OPCML: variants seen among roughly 807,000 people sequenced by gnomAD.
OPCML encodes opioid-binding protein/cell adhesion molecule.
In OPCML, 13 loss-of-function variants were observed where a neutral mutation model predicts 37.8. That is an observed-to-expected ratio of 0.34 (90% CI 0.22 to 0.55). OPCML has a LOEUF of 0.55. Ranked by LOEUF, OPCML falls within the 20% of genes least tolerant of loss-of-function variation. OPCML has a pLI of 0.91. For missense variants in OPCML, 341 were observed against 435.6 expected, an observed-to-expected ratio of 0.78 and a Z score of 1.93; for synonymous variants, 176 against 168.8, an observed-to-expected ratio of 1.04 and a Z score of -0.33.
At chr11:132,698,360 T>C (rs2917569) in intron 2 of OPCML, among the ~76,000 whole-genome samples, 76,747 of 151,470 alleles carry the variant, frequency 0.51, 19,529 homozygotes, top group Admixed American at 0.57. Context: ...TATGTATGTT[T>C]GTGGTTTTGA....
chr11:132,601,025 T>G (rs1262896959), intron 3 of OPCML, among the ~76,000 whole-genome samples: 1 of 152,042 alleles, frequency 6.6e-6, no homozygotes, highest in Non-Finnish European at 1.5e-5. Flanking sequence ...TGTTTTTCGA[T>G]TGCCAATGTA....
intron 3 of OPCML, among the ~76,000 whole-genome samples, chr11:132,549,735 A>G (rs2096377215): frequency 6.6e-6 from 1 of 152,216 alleles, no homozygotes; most frequent in African/African-American, 2.4e-5. Flanking sequence ...GATGGCGCCA[A>G]TTAACTGGAA....
At chr11:133,063,869 G>A (rs542430561) in intron 1 of OPCML, among the ~76,000 whole-genome samples, 10 of 152,240 alleles carry the variant, frequency 6.6e-5, no homozygotes, top group East Asian at 1.9e-4. Flanking sequence ...GCCCCGGTTG[G>A]TGATTATTAA....
At chr11:133,028,141 T>C (rs1383836780) in intron 1 of OPCML, among the ~76,000 whole-genome samples, 2 of 152,070 alleles carry the variant, frequency 1.3e-5, no homozygotes, top group African/African-American at 4.8e-5. Context: ...TTTCTTTCTT[T>C]TTATTTTCTG....
chr11:133,419,074 C>A (rs1035075359), intron 1 of OPCML: 1 of 214,592 alleles, frequency 4.7e-6, no homozygotes, highest in Admixed American at 6.5e-5. Context: ...TTGAGAAATC[C>A]TAACCTTCAC....
intron 1 of OPCML, among the ~76,000 whole-genome samples, chr11:133,147,623 G>A (rs911251638): frequency 6.6e-6 from 1 of 152,138 alleles, no homozygotes; most frequent in Non-Finnish European, 1.5e-5. Flanking sequence ...GAAGGGATGG[G>A]TGGCTCTGCC....
intron 1 of OPCML, among the ~76,000 whole-genome samples, chr11:133,083,245 G>A (rs1485448463): frequency 2.0e-5 from 3 of 152,298 alleles, no homozygotes; most frequent in East Asian, 1.9e-4. Context: ...CGGCGGGAGC[G>A]GGAGCCGCGG....
At chr11:132,691,908 T>C (rs1008864047) in intron 2 of OPCML, among the ~76,000 whole-genome samples, 1 of 152,202 alleles carries the variant, frequency 6.6e-6, no homozygotes, top group African/African-American at 2.4e-5. Flanking sequence ...CAGTTGACAG[T>C]ATCGACAGAT....
At chr11:133,162,487 G>A (rs1409280257) in intron 1 of OPCML, among the ~76,000 whole-genome samples, 2 of 152,174 alleles carry the variant, frequency 1.3e-5, no homozygotes, top group African/African-American at 4.8e-5. Flanking sequence ...GCTTTGGCTG[G>A]GGGGCCGGCC....
At chr11:132,997,079 CT>C (rs1424114175) in intron 1 of OPCML, among the ~76,000 whole-genome samples, 1 of 152,120 alleles carries the variant, frequency 6.6e-6, no homozygotes, top group Non-Finnish European at 1.5e-5. Flanking sequence ...TTAAAGGAGC[CT>C]TTTACCCCTC....
intron 1 of OPCML, chr11:133,025,579 A>G: frequency 1.9e-6 from 1 of 530,278 alleles, no homozygotes; most frequent in African/African-American, 2.1e-5. Flanking sequence ...TTCTTTTCTT[A>G]TTATTTTAAT....
chr11:132,864,181 A>C (rs1395515727), intron 2 of OPCML, among the ~76,000 whole-genome samples: 1 of 151,478 alleles, frequency 6.6e-6, no homozygotes, highest in Non-Finnish European at 1.5e-5. Context: ...CGGGTGATCC[A>C]CCCTCCTCGG....
At chr11:132,491,913 G>A (rs1485248777) in intron 4 of OPCML, among the ~76,000 whole-genome samples, 2 of 149,136 alleles carry the variant, frequency 1.3e-5, no homozygotes, top group African/African-American at 5.0e-5. Flanking sequence ...GTGGGGTTTG[G>A]GACATACCTA....
intron 2 of OPCML, among the ~76,000 whole-genome samples, chr11:132,720,718 C>T (rs1436897289): frequency 6.6e-6 from 1 of 152,072 alleles, no homozygotes; most frequent in East Asian, 1.9e-4. Context: ...AAAGACTGAC[C>T]TAGGATCCAA....
At chr11:132,926,129 C>T (rs1591811653) in intron 2 of OPCML, among the ~76,000 whole-genome samples, 1 of 152,176 alleles carries the variant, frequency 6.6e-6, no homozygotes, top group Non-Finnish European at 1.5e-5. Flanking sequence ...ACCCTTGTCC[C>T]TCTCAACTAA....
intron 2 of OPCML, among the ~76,000 whole-genome samples, chr11:132,705,020 A>G (rs766529210): frequency 3.3e-5 from 5 of 152,250 alleles, no homozygotes; most frequent in Admixed American, 6.5e-5. Flanking sequence ...AATGTTGAGT[A>G]AACAGATCTG....
chr11:133,470,710 A>G (rs550478458), intron 1 of OPCML, among the ~76,000 whole-genome samples: 1 of 152,328 alleles, frequency 6.6e-6, no homozygotes, highest in South Asian at 2.1e-4. Context: ...GCTTTGGCAG[A>G]CCCCAACTAT....
At chr11:132,881,826 A>G (rs907005616) in intron 2 of OPCML, among the ~76,000 whole-genome samples, 11 of 152,212 alleles carry the variant, frequency 7.2e-5, no homozygotes, top group Admixed American at 3.9e-4. Flanking sequence ...TTCACAGATA[A>G]GAGAGAACCA....
chr11:132,860,714 AAAAAG>A (rs1290917572), intron 2 of OPCML: 2 of 152,168 alleles, frequency 1.3e-5, no homozygotes, highest in Admixed American at 1.3e-4. Flanking sequence ...CATTTTACCA[AAAAAG>A]CTGTTTGAAC....
Sources: gnomAD v4.1 joint callset for allele counts (sites outside exome capture counted in the v4.1 genomes callset) on GRCh38, gnomAD v4.1.1 for gene constraint, MANE v1.5 for transcripts, NCBI Gene and HGNC (gene_info 2026-07-23, HGNC 2026-07-21) for gene names.